Variants in CCSER1 observed in about 807,000 individuals in gnomAD.
The protein encoded by CCSER1 is coiled-coil serine rich protein 1, also known as serine-rich coiled-coil domain-containing protein 1.
In CCSER1, 41 loss-of-function variants were observed where a neutral mutation model predicts 82.0. The ratio of observed to expected loss-of-function variants is 0.50; its 90% CI spans 0.39 to 0.65. The LOEUF (loss-of-function observed/expected upper bound fraction) is 0.65. CCSER1 is among the 30% of genes least tolerant of loss of function. The pLI, the probability that CCSER1 is intolerant of heterozygous loss-of-function variation, is 0.00. For missense variants in CCSER1, 1,119 were observed against 1,064.2 expected (o/e 1.05, Z -0.72); for synonymous variants, 414 against 383.9 (o/e 1.08, Z -0.92).
intron 10 of CCSER1, among the ~76,000 whole-genome samples, chr4:91,320,965 C>G (rs1366025286): frequency 6.6e-6 from 1 of 151,870 alleles, no homozygotes; most frequent in African/African-American, 2.4e-5. Context: ...ACAAAGAAAA[C>G]CAAAAATTAA....
intron 10 of CCSER1, among the ~76,000 whole-genome samples, chr4:91,528,172 T>G (rs1189713683): frequency 6.6e-6 from 1 of 152,102 alleles, no homozygotes; most frequent in Non-Finnish European, 1.5e-5. Flanking sequence ...GCACTTGCCT[T>G]GGCCTCTCAA....
At chr4:91,226,916 A>T (rs1738245369) in intron 10 of CCSER1, among the ~76,000 whole-genome samples, 1 of 151,894 alleles carries the variant, frequency 6.6e-6, no homozygotes, top group Admixed American at 6.6e-5. Context: ...TCACAGTCTC[A>T]GTTGCATCAT....
At chr4:90,650,287 T>C (rs1728499793) in intron 6 of CCSER1, among the ~76,000 whole-genome samples, 1 of 152,140 alleles carries the variant, frequency 6.6e-6, no homozygotes, top group East Asian at 1.9e-4. Flanking sequence ...AGGAAGAATC[T>C]TTTTGAGCAA....
chr4:90,888,574 A>G (rs1032200515), intron 8 of CCSER1, among the ~76,000 whole-genome samples: 22 of 152,312 alleles, frequency 1.4e-4, no homozygotes, highest in African/African-American at 4.8e-4. Context: ...TTTAAAATGA[A>G]TAAAATAAAA....
chr4:91,488,977 G>A (rs1026080832), intron 10 of CCSER1, among the ~76,000 whole-genome samples: 35 of 152,180 alleles, frequency 2.3e-4, no homozygotes, highest in African/African-American at 8.2e-4. Flanking sequence ...TGAAAAGAGA[G>A]TGGTCTAAAA....
intron 10 of CCSER1, among the ~76,000 whole-genome samples, chr4:91,547,774 GTTT>G (rs1358170109): frequency 6.6e-6 from 1 of 151,688 alleles, no homozygotes; most frequent in Admixed American, 6.6e-5. Flanking sequence ...ATTTTTCTGA[GTTT>G]TTTGTTTTTT....
intron 7 of CCSER1, among the ~76,000 whole-genome samples, chr4:90,737,909 A>C (rs2149431174): frequency 6.6e-6 from 1 of 151,920 alleles, no homozygotes; most frequent in South Asian, 2.1e-4. Context: ...TTTCAATTGT[A>C]TTTTTCAGCT....
chr4:91,513,672 C>A (rs1319463066), intron 10 of CCSER1, among the ~76,000 whole-genome samples: 5 of 152,170 alleles, frequency 3.3e-5, no homozygotes, highest in South Asian at 2.1e-4. Flanking sequence ...GTTTCAATTT[C>A]TTTCTGATTC....
rs926670689 is a variant in CCSER1 at position 91,391,953 on chromosome 4, AACAT to A, written c.2218-206607_2218-206604del. Among the ~76,000 whole-genome samples, 14 of 152,134 alleles carry A rather than the reference AACAT, an allele frequency of 9.2e-5. 1 individual carries two copies. The highest frequency in any genetic ancestry group is 3.9e-4 in the East Asian group (2 of 5,178). On this transcript the variant is annotated intron_variant, in intron 10 of 10. Coordinates refer to ENST00000509176, the MANE Select transcript of CCSER1 (RefSeq NM_001145065.2). ...ATGCACATATGTACATATACACATA[AACAT>A]ACATACATACAATACATATATATAC...
chr4:90,807,376 T>C (rs1229481584), intron 7 of CCSER1, among the ~76,000 whole-genome samples: 1 of 152,148 alleles, frequency 6.6e-6, no homozygotes, highest in Non-Finnish European at 1.5e-5. Context: ...ATTGGACTAC[T>C]GTAAAAGAGG....
chr4:91,528,912 A>G (rs1277367684), intron 10 of CCSER1, among the ~76,000 whole-genome samples: 1 of 152,190 alleles, frequency 6.6e-6, no homozygotes, highest in Non-Finnish European at 1.5e-5. Flanking sequence ...CACAGAGAAA[A>G]ACTGCATCAG....
intron 9 of CCSER1, among the ~76,000 whole-genome samples, chr4:91,057,883 G>T (rs1170290335): frequency 6.6e-6 from 1 of 152,080 alleles, no homozygotes; most frequent in African/African-American, 2.4e-5. Flanking sequence ...CAAGTAAATT[G>T]AGTGTCATAA....
At chr4:91,468,781 C>T (rs1459328086) in intron 10 of CCSER1, among the ~76,000 whole-genome samples, 1 of 151,934 alleles carries the variant, frequency 6.6e-6, no homozygotes, top group Non-Finnish European at 1.5e-5. Context: ...GGGAGAGGTG[C>T]AATAATGCTC....
chr4:90,797,305 C>G (rs1447166514), intron 7 of CCSER1, among the ~76,000 whole-genome samples: 3 of 150,336 alleles, frequency 2.0e-5, no homozygotes, highest in Non-Finnish European at 4.4e-5. Flanking sequence ...GATTGCAACC[C>G]TACTTTTATC....
chr4:90,478,560 C>T (rs1765420201), intron 5 of CCSER1, among the ~76,000 whole-genome samples: 1 of 152,006 alleles, frequency 6.6e-6, no homozygotes, highest in Admixed American at 6.6e-5. Context: ...TAATATTAGG[C>T]ACCATACTGT....
chr4:90,777,127 G>A (rs1198741068), intron 7 of CCSER1, among the ~76,000 whole-genome samples: 2 of 151,946 alleles, frequency 1.3e-5, no homozygotes, highest in Admixed American at 6.6e-5. Context: ...AGGTTGAGGC[G>A]GGTGGATCAC....
intron 10 of CCSER1, among the ~76,000 whole-genome samples, chr4:91,489,974 A>G (rs1441970103): frequency 6.6e-6 from 1 of 152,178 alleles, no homozygotes; most frequent in East Asian, 1.9e-4. Flanking sequence ...TACAAACAGC[A>G]AACAAGTGTA....
chr4:90,509,043 C>T (rs1341572396), intron 5 of CCSER1, among the ~76,000 whole-genome samples: 1 of 151,806 alleles, frequency 6.6e-6, no homozygotes, highest in Non-Finnish European at 1.5e-5. Flanking sequence ...ATCACACACA[C>T]CCATTTAATA....
chr4:90,850,614 C>T (rs566423067), intron 8 of CCSER1, among the ~76,000 whole-genome samples: 1 of 152,290 alleles, frequency 6.6e-6, no homozygotes, highest in African/African-American at 2.4e-5. Context: ...GGGCCTATAG[C>T]CCCTTTGTTT....
Sources: gnomAD v4.1 joint callset for allele counts (sites outside exome capture counted in the v4.1 genomes callset) on GRCh38, gnomAD v4.1.1 for gene constraint, MANE v1.5 for transcripts, NCBI Gene and HGNC (gene_info 2026-07-23, HGNC 2026-07-21) for gene names.